The following KLHL4 variants were observed in gnomAD, a reference collection of about 807,000 sequenced individuals.
KLHL4 encodes kelch-like protein 4.
A neutral mutation model predicts 45.8 loss-of-function variants in KLHL4; 17 were observed. The ratio of observed to expected loss-of-function variants is 0.37; its 90% confidence interval spans 0.25 to 0.56. The LOEUF is 0.56. Among genes scored for constraint, KLHL4 ranks in the 20% least tolerant of loss-of-function variants. The probability of loss-of-function intolerance (pLI) is 0.79; values close to 1 mark genes in which losing one functional copy is unlikely to be tolerated. For synonymous variants in KLHL4, 224 were observed against 189.9 expected (o/e 1.18, Z -1.47); for missense variants, 544 against 544.9 (o/e 1.00, Z 0.02).
At chrX:87,634,508 T>C (rs1253798149) in intron 8 of KLHL4, among the ~76,000 whole-genome samples, 1 of 111,831 alleles carries the variant, frequency 8.9e-6, no homozygotes, top group Non-Finnish European at 1.9e-5. Flanking sequence ...ACAAGGGAAC[T>C]TTGGAGACAA....
chrX:87,668,859 A>T lies in KLHL4; in HGVS notation c.*2325A>T. On this transcript the variant is annotated 3_prime_UTR_variant, in exon 11 of 11. Transcript: ENST00000373119. ...AACCTCAGACTTCTCAGCCTGCCTA[A>T]CTGTAAGAAATTAATTCTTTTTCTT... The T allele has an allele frequency of 1.7e-6, 1 of 589,221 alleles. No individual in the cohort carries two copies. Among genetic ancestry groups the T allele is most frequent in the Non-Finnish European group, 2.0e-6 (1 of 489,074 alleles). The allele number at this position is 589,221 out of a possible 1,213,427, so 48.6% of individuals were successfully genotyped here. A position where few individuals can be genotyped will look rare whatever the true frequency, so the allele number is the denominator to read the frequency against.
chrX:87,555,485 G>A (rs1445300036), intron 1 of KLHL4, among the ~76,000 whole-genome samples: 2 of 111,026 alleles, frequency 1.8e-5, no homozygotes, highest in East Asian at 5.7e-4. Context: ...ATTTCTTCTA[G>A]ATTTTGTAGT....
Position 87,614,608 on chromosome X carries a change from C to A in KLHL4, c.727+38C>A, listed in dbSNP as rs6617455. ...TACACATTAACTCATAATGACCCTA[C>A]ATTACATAACACATTATTATTAGTA... On this transcript the variant is annotated intron_variant, in intron 3 of 10. Transcript: ENST00000373119. 13,511 of 1,114,742 alleles carry A rather than the reference C, an allele frequency of 0.012. 846 individuals are homozygous for A. The Admixed American group carries it at 0.18, about 15-fold the overall frequency. The allele number at this position is 1,114,742 out of a possible 1,213,427, so 91.9% of individuals were successfully genotyped here. A position where few individuals can be genotyped will look rare whatever the true frequency, so the allele number is the denominator to read the frequency against.
chrX:87,603,255 G>A (rs1239289152), intron 1 of KLHL4, among the ~76,000 whole-genome samples: 3 of 111,976 alleles, frequency 2.7e-5, no homozygotes, highest in Admixed American at 9.5e-5. Flanking sequence ...GAAAATAAGT[G>A]TGTAAGAACT....
chrX:87,661,397 C>T (rs1000813123), intron 9 of KLHL4, among the ~76,000 whole-genome samples: 1 of 110,234 alleles, frequency 9.1e-6, no homozygotes, highest in Admixed American at 9.7e-5. Flanking sequence ...ATTTTTATTC[C>T]CATTATTATA....
chrX:87,536,525 G>A (rs1931431317), intron 1 of KLHL4, among the ~76,000 whole-genome samples: 1 of 110,360 alleles, frequency 9.1e-6, no homozygotes, highest in East Asian at 2.9e-4. Context: ...AAAAATAAAT[G>A]AATACAATTT....
In KLHL4 at chrX:87,669,303, TC is replaced by T. The variant is rs1569366988; in HGVS notation, c.*2770del. 8.3e-7 allele frequency: 1 copy of T among 1,208,148 alleles called. No homozygotes were observed. The highest frequency in any genetic ancestry group is 3.0e-5 in the East Asian group (1 of 33,737). On this transcript the variant is annotated 3_prime_UTR_variant, in exon 11 of 11. Transcript: ENST00000373119. ...GCATCATGATGATTCTCTAACACTG[TC>T]TGTCACCTTCCTGTATTTCCACAGA...
intron 4 of KLHL4, among the ~76,000 whole-genome samples, chrX:87,620,136 G>T (rs1212885110): frequency 1.8e-5 from 2 of 111,302 alleles, no homozygotes; most frequent in African/African-American, 6.5e-5. Context: ...ATAGTTGTCT[G>T]CATCAATGAA....
chrX:87,592,544 A>G lies in KLHL4; in HGVS notation c.423-21333A>G, dbSNP rs146479342. ...CTGTTATTGCCTGCCTTTTGGATAAAAGCCATTTTAACTGAGGTTACATGT... is the reference window on the plus strand; with the variant it reads ...CTGTTATTGCCTGCCTTTTGGATAAGAGCCATTTTAACTGAGGTTACATGT... On this transcript the variant is annotated intron_variant, in intron 1 of 10. Transcript: ENST00000373119. 1.6e-4 allele frequency among the ~76,000 whole-genome samples: 18 copies of G among 111,407 alleles called. No homozygotes were observed. The East Asian group carries it at 3.7e-3, about 23-fold the overall frequency.
At chrX:87,569,572 C>A (rs1932289870) in intron 1 of KLHL4, among the ~76,000 whole-genome samples, 1 of 111,330 alleles carries the variant, frequency 9.0e-6, no homozygotes, top group Non-Finnish European at 1.9e-5. Context: ...TGACCAAAAT[C>A]AATGAAATTC....
rs183036163 is a variant in KLHL4 at position 87,594,534 on chromosome X, C to T, written c.423-19343C>T. On this transcript the variant is annotated intron_variant, in intron 1 of 10. Transcript: ENST00000373119. ...TCTGCTCACTCATGTTTTCCTATGT[C>T]TTTCCTAAATCCCTTCTAACAAAAC... 3.7e-3 allele frequency among the ~76,000 whole-genome samples: 407 copies of T among 111,492 alleles called. 1 individual carries two copies. Among genetic ancestry groups the T allele is most frequent in the Non-Finnish European group, 5.9e-3 (314 of 53,064 alleles).
chrX:87,622,931 T>G (rs1366702026), intron 5 of KLHL4, among the ~76,000 whole-genome samples: 1 of 112,024 alleles, frequency 8.9e-6, no homozygotes, highest in Non-Finnish European at 1.9e-5. Context: ...GCAAAGATGA[T>G]TCTAAGAACA....
chrX:87,610,943 G>T (rs1922349251), intron 1 of KLHL4, among the ~76,000 whole-genome samples: 2 of 110,374 alleles, frequency 1.8e-5, no homozygotes, highest in Non-Finnish European at 3.8e-5. Flanking sequence ...GTGTGGTGGT[G>T]CACGTCCGCA....
chrX:87,650,713 T>C (rs967944499), intron 9 of KLHL4, among the ~76,000 whole-genome samples: 1 of 111,662 alleles, frequency 9.0e-6, no homozygotes, highest in Non-Finnish European at 1.9e-5. Flanking sequence ...GGGTTAAACA[T>C]TTAAGTCTCC....
chrX:87,522,750 A>G (rs187560833), intron 1 of KLHL4, among the ~76,000 whole-genome samples: 4 of 112,118 alleles, frequency 3.6e-5, no homozygotes, highest in African/African-American at 1.3e-4. Context: ...TACATTTAGA[A>G]CATTACGACA....
intron 5 of KLHL4, among the ~76,000 whole-genome samples, chrX:87,622,834 G>A (rs760694411): frequency 1.1e-3 from 122 of 111,009 alleles, no homozygotes; most frequent in Middle Eastern, 9.5e-3. Flanking sequence ...TATCCGCTAC[G>A]ATCAAAAGAA....
At chrX:87,658,597 C>T (rs1189743052) in intron 9 of KLHL4, among the ~76,000 whole-genome samples, 1 of 111,400 alleles carries the variant, frequency 9.0e-6, no homozygotes, top group East Asian at 2.8e-4. Flanking sequence ...CCATCTCATG[C>T]ACTGGGGACT....
At chrX:87,538,561 T>C (rs1408620447) in intron 1 of KLHL4, among the ~76,000 whole-genome samples, 2 of 111,786 alleles carry the variant, frequency 1.8e-5, no homozygotes, top group Admixed American at 9.6e-5. Flanking sequence ...AAAACTTTCT[T>C]TGGAAGTTTA....
intron 9 of KLHL4, among the ~76,000 whole-genome samples, chrX:87,663,183 C>T (rs1449528191): frequency 9.0e-6 from 1 of 110,574 alleles, no homozygotes; most frequent in Non-Finnish European, 1.9e-5. Context: ...CAAATGATTC[C>T]TAGTTACTCT....
Sources: allele counts gnomAD v4.1 joint callset (sites outside exome capture counted in the v4.1 genomes callset), GRCh38; gene constraint gnomAD v4.1.1; transcripts MANE v1.5; gene names NCBI Gene and HGNC (gene_info 2026-07-23, HGNC 2026-07-21).